GALNTL6: variants seen among roughly 807,000 people sequenced by gnomAD.
The protein encoded by GALNTL6 is polypeptide N-acetylgalactosaminyltransferase like 6.
A neutral mutation model predicts 73.7 loss-of-function variants in GALNTL6; 46 were observed. The ratio of observed to expected loss-of-function variants is 0.62; its 90% CI spans 0.49 to 0.80. The LOEUF is 0.80. GALNTL6 is among the 30% of genes least tolerant of loss of function. The pLI, the probability that GALNTL6 is intolerant of heterozygous loss-of-function variation, is 0.00. For missense variants in GALNTL6, 604 were observed against 755.0 expected, an observed-to-expected ratio of 0.80 and a Z score of 2.34; for synonymous variants, 259 against 263.7, an observed-to-expected ratio of 0.98 and a Z score of 0.17.
intron 5 of GALNTL6, among the ~76,000 whole-genome samples, chr4:172,559,914 G>T (rs2110922076): frequency 6.6e-6 from 1 of 152,244 alleles, no homozygotes; most frequent in South Asian, 2.1e-4. Flanking sequence ...TTAGAAATAT[G>T]TTATGCTTTA....
intron 5 of GALNTL6, among the ~76,000 whole-genome samples, chr4:172,649,104 A>T (rs1579287699): frequency 6.6e-6 from 1 of 152,278 alleles, no homozygotes; most frequent in East Asian, 1.9e-4. Context: ...GTAAGGTGAA[A>T]TTTTTCTCAA....
intron 5 of GALNTL6, chr4:172,668,107 C>G (rs1435216755): frequency 6.6e-6 from 1 of 152,094 alleles, no homozygotes; most frequent in Non-Finnish European, 1.5e-5. Flanking sequence ...TAATTTCAAT[C>G]CCTGTCTAGA....
chr4:172,089,271 C>G (rs1213025203), intron 2 of GALNTL6, among the ~76,000 whole-genome samples: 1 of 152,094 alleles, frequency 6.6e-6, no homozygotes, highest in Non-Finnish European at 1.5e-5. Flanking sequence ...CATCTATAAA[C>G]TAGTTTTTCA....
intron 2 of GALNTL6, among the ~76,000 whole-genome samples, chr4:171,878,541 A>G (rs1033881334): frequency 2.0e-5 from 3 of 152,312 alleles, no homozygotes; most frequent in Middle Eastern, 3.4e-3. Flanking sequence ...TTTGGTGTCA[A>G]TAATACGTAT....
intron 5 of GALNTL6, among the ~76,000 whole-genome samples, chr4:172,802,416 G>A (rs1306367000): frequency 6.6e-6 from 1 of 151,874 alleles, no homozygotes; most frequent in Non-Finnish European, 1.5e-5. Context: ...TTTTATTGGG[G>A]GTCTGAAGAA....
At chr4:172,020,579 C>A (rs1307790145) in intron 2 of GALNTL6, among the ~76,000 whole-genome samples, 2 of 151,050 alleles carry the variant, frequency 1.3e-5, no homozygotes, top group Non-Finnish European at 3.0e-5. Context: ...GAAAAATTCC[C>A]AAATACATAC....
At chr4:172,946,196 C>T (rs1221671974) in intron 9 of GALNTL6, among the ~76,000 whole-genome samples, 1 of 151,588 alleles carries the variant, frequency 6.6e-6, no homozygotes, top group East Asian at 1.9e-4. Flanking sequence ...AATACAATAG[C>T]TTAATATTGA....
chr4:172,870,733 C>T (rs1033230763), intron 7 of GALNTL6, among the ~76,000 whole-genome samples: 2 of 152,156 alleles, frequency 1.3e-5, no homozygotes, highest in African/African-American at 4.8e-5. Context: ...ACAGAGACAC[C>T]TGGTTTACTG....
At chr4:172,970,876 A>G (rs971336378) in intron 10 of GALNTL6, among the ~76,000 whole-genome samples, 1 of 152,232 alleles carries the variant, frequency 6.6e-6, no homozygotes, top group East Asian at 1.9e-4. Context: ...GTGTAAGCAA[A>G]TATAAAAGTA....
intron 5 of GALNTL6, among the ~76,000 whole-genome samples, chr4:172,359,655 C>T (rs923725275): frequency 6.6e-6 from 1 of 152,096 alleles, no homozygotes; most frequent in African/African-American, 2.4e-5. Context: ...GGACTTTCCC[C>T]ACCACCAGGG....
intron 5 of GALNTL6, among the ~76,000 whole-genome samples, chr4:172,704,612 C>T (rs1898553): frequency 0.43 from 64,830 of 151,758 alleles, 16,080 homozygotes; most frequent in East Asian, 0.69. Flanking sequence ...TGGCTTAACA[C>T]GTGGTCTATC....
At chr4:172,867,701 C>T (rs75992675) in intron 7 of GALNTL6, among the ~76,000 whole-genome samples, 2,190 of 152,348 alleles carry the variant, frequency 0.014, 31 homozygotes, top group Non-Finnish European at 0.024. Flanking sequence ...GGCTTCATCA[C>T]ATGGCCAGAC....
intron 2 of GALNTL6, among the ~76,000 whole-genome samples, chr4:171,842,752 C>T (rs191174587): frequency 1.4e-4 from 22 of 152,204 alleles, no homozygotes; most frequent in African/African-American, 4.8e-4. Context: ...AAGGAATCCA[C>T]CCCCATGATT....
chr4:172,928,563 A>G (rs1748175860), intron 8 of GALNTL6, among the ~76,000 whole-genome samples: 1 of 152,186 alleles, frequency 6.6e-6, no homozygotes, highest in African/African-American at 2.4e-5. Flanking sequence ...ATTTCAACAC[A>G]TCTAGTGATA....
chr4:172,550,441 T>C (rs893037758), intron 5 of GALNTL6, among the ~76,000 whole-genome samples: 1 of 152,174 alleles, frequency 6.6e-6, no homozygotes. Context: ...TTGTTAGAGA[T>C]TTATATTTAC....
At chr4:172,647,550 G>A (rs55921367) in intron 5 of GALNTL6, among the ~76,000 whole-genome samples, 25,154 of 151,894 alleles carry the variant, frequency 0.17, 2,833 homozygotes, top group Middle Eastern at 0.33. Flanking sequence ...CTAATACTAT[G>A]TTGAAAATTT....
At chr4:172,558,552 G>A (rs141692220) in intron 5 of GALNTL6, among the ~76,000 whole-genome samples, 18 of 152,246 alleles carry the variant, frequency 1.2e-4, no homozygotes, top group East Asian at 1.9e-4. Context: ...GTAAGCCAGC[G>A]AGAGAGACCT....
chr4:173,021,580 T>A lies in GALNTL6; in HGVS notation c.1593T>A (p.Tyr531Ter). Reference protein sequence around the residue: ...AISHNSPVTLYDCHGMKGNQL... With the variant: ...AISHNSPVTL ...CACACAACAGCCCCGTTACACTCTA[T>A]GACTGTCATGGCATGAAGGGGAACC... The change falls in exon 12 of 13, where the codon TAT becomes TAA. Residue 531 changes from tyrosine to a stop codon, truncating the protein, a stop_gained. Coordinates refer to ENST00000506823, the MANE Select transcript of GALNTL6 (RefSeq NM_001034845.3). LOFTEE classifies it high-confidence loss of function. The A allele has an allele frequency of 6.2e-7, 1 of 1,614,168 alleles. No homozygotes were observed. Among genetic ancestry groups the A allele is most frequent in the Non-Finnish European group, 8.5e-7 (1 of 1,180,016 alleles).
intron 2 of GALNTL6, among the ~76,000 whole-genome samples, chr4:171,959,896 C>CTG (rs1739171310): frequency 2.6e-5 from 4 of 152,108 alleles, no homozygotes; most frequent in African/African-American, 9.7e-5. Flanking sequence ...TTTAGAAGAC[C>CTG]TTCATATTTC....
Sources: allele counts gnomAD v4.1 joint callset (sites outside exome capture counted in the v4.1 genomes callset), GRCh38; gene constraint gnomAD v4.1.1; transcripts MANE v1.5; gene names NCBI Gene and HGNC (gene_info 2026-07-23, HGNC 2026-07-21).